IL17RA: variants seen among roughly 807,000 people sequenced by gnomAD.
IL17RA encodes interleukin 17 receptor A, also known as interleukin-17 receptor A.
In IL17RA, 34 loss-of-function variants were observed where a neutral mutation model predicts 50.4. The observed-to-expected ratio is 0.67, with a 90% CI of 0.51 to 0.90. The LOEUF (loss-of-function observed/expected upper bound fraction) is 0.90, where lower values mean the gene tolerates loss of function less well. Among genes scored for constraint, IL17RA ranks in the 40% least tolerant of loss-of-function variants. The pLI, the probability that IL17RA is intolerant of heterozygous loss-of-function variation, is 0.00. For missense variants in IL17RA, 1,276 were observed against 1,169.8 expected, an observed-to-expected ratio of 1.09 and a Z score of -1.32; for synonymous variants, 585 against 510.4, an observed-to-expected ratio of 1.15 and a Z score of -1.97.
chr22:17,090,721 A>G (rs1300562768), intron 1 of IL17RA, among the ~76,000 whole-genome samples: 2 of 152,216 alleles, frequency 1.3e-5, no homozygotes, highest in Non-Finnish European at 2.9e-5. Context: ...TTACAGTTAA[A>G]TCATGATTTT....
chr22:17,102,168 G>GCT lies in IL17RA; in HGVS notation c.628_629insCT (p.Glu210AlafsTer11). 1 of 1,614,158 alleles carries GCT rather than the reference G, an allele frequency of 6.2e-7. No individual in the cohort carries two copies. Among genetic ancestry groups the GCT allele is most frequent in the Non-Finnish European group, 8.5e-7 (1 of 1,180,034 alleles). On this transcript the variant is annotated frameshift_variant, in exon 7 of 13. Transcript: ENST00000319363. LOFTEE classifies it high-confidence loss of function. Reference sequence around the variant, plus strand: ...CCTGTGGGACCCCAACATCACCGTGGAGACCCTGGAGGCCCACCAGCTGCG... The same window carrying GCT: ...CCTGTGGGACCCCAACATCACCGTGGCTAGACCCTGGAGGCCCACCAGCTGCG...
At position 17,109,645 on chromosome 22, in the gene IL17RA, C is replaced by A. The variant is rs376663042; in HGVS notation, c.2426C>A (p.Thr809Lys). Reference sequence around the variant, plus strand: ...TCCCCGCAGCCCCCCGAGGGACTCACGGAAATGGAGGAAGAGGAGGAAGAG... The same window carrying A: ...TCCCCGCAGCCCCCCGAGGGACTCAAGGAAATGGAGGAAGAGGAGGAAGAG... ...RSSPQPPEGL[T>K]EMEEEEEEEQ... The change falls in exon 13 of 13, where the codon ACG (threonine) becomes AAG (lysine). Residue 809 changes from threonine (T) to lysine (K), a missense_variant. Transcript: ENST00000319363. 2 of 1,607,894 alleles carry A rather than the reference C, an allele frequency of 1.2e-6. No homozygotes were observed. The highest frequency in any genetic ancestry group is 1.7e-6 in the Non-Finnish European group (2 of 1,177,718).
chr22:17,094,665 C>CTATATATATATATATA, intron 1 of IL17RA, among the ~76,000 whole-genome samples: 1 of 25,522 alleles, frequency 3.9e-5, no homozygotes, highest in Admixed American at 2.5e-4. Context: ...CACTCTCTCT[C>CTATATATATATATATA]TCTCTCTCTC....
At position 17,085,015 on chromosome 22, in the gene IL17RA, G is replaced by A; in HGVS notation, c.-77G>A. On this transcript the variant is annotated 5_prime_UTR_variant, in exon 1 of 13. Coordinates refer to ENST00000319363, the MANE Select transcript of IL17RA (RefSeq NM_014339.7). ...AAGTGGAGCCGACTCGAACTCCACC[G>A]CGGAAAAGAAAGCCTCAGAACGTTC... 7.9e-7 allele frequency: 1 copy of A among 1,267,802 alleles called. No homozygotes were observed. Among genetic ancestry groups the A allele is most frequent in the Non-Finnish European group, 1.0e-6 (1 of 1,003,728 alleles). 78.5% of individuals were successfully genotyped at this position (1,267,802 alleles called of 1,614,324 possible).
intron 1 of IL17RA, among the ~76,000 whole-genome samples, chr22:17,091,677 CA>C (rs60640692): frequency 6.0e-4 from 81 of 134,032 alleles, no homozygotes; most frequent in Admixed American, 6.0e-4. Context: ...GACTCTGTCT[CA>C]AAAAAAAAAA....
chr22:17,101,926 G>A, intron 5 of IL17RA, 70 bp from the exon 6 acceptor site: 1 of 1,583,970 alleles, frequency 6.3e-7, no homozygotes, highest in Non-Finnish European at 8.7e-7. Context: ...TGTTCTTGGT[G>A]TCAGGAGTCT....
intron 9 of IL17RA, among the ~76,000 whole-genome samples, chr22:17,105,034 A>G (rs1254255750): frequency 2.6e-5 from 4 of 152,162 alleles, no homozygotes; most frequent in Non-Finnish European, 4.4e-5. Flanking sequence ...TAGGCAAATT[A>G]CTTAATCTTT....
chr22:17,085,310 C>G (rs1298241474), intron 1 of IL17RA, 81 bp downstream of exon 1: 7 of 1,520,342 alleles, frequency 4.6e-6, no homozygotes, highest in Non-Finnish European at 6.1e-6. Flanking sequence ...ACGGTCGGGA[C>G]TACGCGCCCG....
intron 1 of IL17RA, among the ~76,000 whole-genome samples, chr22:17,094,691 C>CTCTA (rs1448096911): frequency 1.2e-4 from 3 of 24,704 alleles, no homozygotes; most frequent in Admixed American, 4.5e-4. Flanking sequence ...CTCTCTCTCT[C>CTCTA]TATATATATA....
In IL17RA at chr22:17,112,469, C is replaced by G. The variant is rs1254009463; in HGVS notation, c.*2649C>G. 1 of 152,036 alleles carries G rather than the reference C, an allele frequency of 6.6e-6. No individual in the cohort carries two copies. The highest frequency in any genetic ancestry group is 1.5e-5 in the Non-Finnish European group (1 of 68,064). 9.4% of individuals were successfully genotyped at this position (152,036 alleles called of 1,614,324 possible). On this transcript the variant is annotated 3_prime_UTR_variant, in exon 13 of 13. Transcript: ENST00000319363. Reference sequence around the variant, plus strand: ...CCAACCTCCCCATCCCTAGGCACCCCTAGGCTACTTTGATCTCTGTAGACT... The same window carrying G: ...CCAACCTCCCCATCCCTAGGCACCCGTAGGCTACTTTGATCTCTGTAGACT...
At chr22:17,096,930 A>G (rs371304132) in intron 1 of IL17RA, 132 bp from the exon 2 acceptor site, 9 of 827,556 alleles carry the variant, frequency 1.1e-5, no homozygotes, top group African/African-American at 8.4e-5. Context: ...TCCTCATCCT[A>G]TTCCCCAAAA....
chr22:17,090,177 C>T (rs1296133541), intron 1 of IL17RA, among the ~76,000 whole-genome samples: 1 of 152,194 alleles, frequency 6.6e-6, no homozygotes, highest in African/African-American at 2.4e-5. Flanking sequence ...CGCACGCCTC[C>T]ATGCCTGGCT....
At chr22:17,100,273 G>A (rs1415342827) in intron 4 of IL17RA, 82 bp from the exon 5 acceptor site, 7 of 1,550,376 alleles carry the variant, frequency 4.5e-6, no homozygotes, top group African/African-American at 2.7e-5. Context: ...TCGGGAGTGG[G>A]TGGGAACGGG....
In IL17RA at chr22:17,114,831, G is replaced by T. The variant is rs1451792845; in HGVS notation, c.*5011G>T. The T allele has an allele frequency of 6.6e-6, 1 of 152,256 alleles. No individual in the cohort carries two copies. Among genetic ancestry groups the T allele is most frequent in the Non-Finnish European group, 1.5e-5 (1 of 68,058 alleles). 9.4% of individuals were successfully genotyped at this position (152,256 alleles called of 1,614,324 possible). ...ATGTGGGAGGAAGAAGGGCCTTGGT[G>T]CACACTGGCTTTTCTTCCTGACTGC... is the stretch of plus-strand genomic sequence containing the variant. On this transcript the variant is annotated 3_prime_UTR_variant, in exon 13 of 13. Transcript: ENST00000319363.
rs972008340 is a variant in IL17RA, at chr22:17,115,543, C to T, written c.*5723C>T. 9 of 150,666 alleles carry T rather than the reference C, an allele frequency of 6.0e-5. No homozygotes were observed. Among genetic ancestry groups the T allele is most frequent in the Non-Finnish European group, 1.5e-5 (1 of 67,916 alleles). The allele number at this position is 150,666 out of a possible 1,614,324, so 9.3% of individuals were successfully genotyped here. On this transcript the variant is annotated 3_prime_UTR_variant, in exon 13 of 13. Transcript: ENST00000319363. The stretch of plus-strand genomic sequence containing the variant: ...AGCCAGAAGCAGCAAGCTAGGGTCA[C>T]AACACAGAGAGGGGCTGTGTAATAC...
intron 7 of IL17RA, among the ~76,000 whole-genome samples, chr22:17,102,827 AAAAT>A (rs1196787152): frequency 2.0e-5 from 3 of 152,192 alleles, no homozygotes; most frequent in Admixed American, 2.0e-4. Context: ...TAAAAATTGA[AAAAT>A]AAATAAAGTA....
At chr22:17,094,691 C>CTCTCTCTCCATATATATATATATATATA (rs1448096911) in intron 1 of IL17RA, among the ~76,000 whole-genome samples, 1 of 24,722 alleles carries the variant, frequency 4.0e-5, no homozygotes, top group South Asian at 1.7e-3. Flanking sequence ...CTCTCTCTCT[C>CTCTCTCTCCATATATATATATATATATA]TATATATATA....
chr22:17,086,324 T>C (rs2061327738), intron 1 of IL17RA, among the ~76,000 whole-genome samples: 1 of 151,974 alleles, frequency 6.6e-6, no homozygotes, highest in African/African-American at 2.4e-5. Flanking sequence ...TATGTAGTTT[T>C]ATGGAGGATT....
intron 1 of IL17RA, among the ~76,000 whole-genome samples, chr22:17,089,504 C>G (rs1186143887): frequency 6.6e-6 from 1 of 152,104 alleles, no homozygotes; most frequent in African/African-American, 2.4e-5. Context: ...CATGACAATC[C>G]CCCCTCTGAT....
Sources: allele counts gnomAD v4.1 joint callset (sites outside exome capture counted in the v4.1 genomes callset), GRCh38; gene constraint gnomAD v4.1.1; transcripts MANE v1.5; gene names NCBI Gene and HGNC (gene_info 2026-07-23, HGNC 2026-07-21).